MACROH2A1: variants seen among roughly 807,000 people sequenced by gnomAD.
MACROH2A1 encodes the protein macroH2A.1 histone.
MACROH2A1 carries 2 observed loss-of-function variants against 31.6 expected under a neutral mutation model. The observed-to-expected ratio is 0.06, with a 90% CI of 0.03 to 0.20. The LOEUF (loss-of-function observed/expected upper bound fraction) is 0.20, where lower values mean the gene tolerates loss of function less well. Ranked by LOEUF, MACROH2A1 falls within the 10% of genes least tolerant of loss-of-function variation. The pLI is 1.00. For missense variants in MACROH2A1, 230 were observed against 474.0 expected (o/e 0.49, Z 4.78); for synonymous variants, 169 against 189.6 (o/e 0.89, Z 0.89).
intron 8 of MACROH2A1, among the ~76,000 whole-genome samples, chr5:135,339,536 T>C (rs933289524): frequency 6.6e-6 from 1 of 151,644 alleles, no homozygotes; most frequent in African/African-American, 2.4e-5. Flanking sequence ...TCCAGGGAGA[T>C]TTTTCTGGAG....
intron 5 of MACROH2A1, chr5:135,358,165 T>C (rs917320200): frequency 1.0e-6 from 1 of 985,068 alleles, no homozygotes; most frequent in Non-Finnish European, 1.2e-6. Flanking sequence ...CTATATGCCA[T>C]GATTTTCACC....
At chr5:135,336,505 G>A (rs374202920) in intron 8 of MACROH2A1, among the ~76,000 whole-genome samples, 88 of 112,268 alleles carry the variant, frequency 7.8e-4, no homozygotes, top group African/African-American at 4.0e-3. Flanking sequence ...ACACACAGGC[G>A]GCAGCTCCTC....
At chr5:135,341,791 A>G (rs2149724381) in intron 8 of MACROH2A1, among the ~76,000 whole-genome samples, 1 of 152,390 alleles carries the variant, frequency 6.6e-6, no homozygotes, top group African/African-American at 2.4e-5. Context: ...AGTGCTTTGC[A>G]GAGAGCAGCT....
rs963333724 is a variant in MACROH2A1 at position 135,393,498 on chromosome 5, T to C, written c.-33-4372A>G. Among the ~76,000 whole-genome samples, 8 of 152,336 alleles carry C rather than the reference T, an allele frequency of 5.3e-5. No homozygotes were observed. The South Asian group carries it at 1.4e-3, about 28-fold the overall frequency. On this transcript the variant is annotated intron_variant, in intron 1 of 8. Coordinates refer to ENST00000511689, the MANE Select transcript of MACROH2A1 (RefSeq NM_138610.3). ...GGCCCTGTTTGACCCATGTTCTGCATCCAGCCTTGTTTGAGAAACAGACAG... is the reference window on the plus strand; with the variant it reads ...GGCCCTGTTTGACCCATGTTCTGCACCCAGCCTTGTTTGAGAAACAGACAG...
intron 8 of MACROH2A1, among the ~76,000 whole-genome samples, chr5:135,342,068 C>CTAAA (rs1245215805): frequency 6.6e-6 from 1 of 152,350 alleles, no homozygotes; most frequent in East Asian, 1.9e-4. Context: ...GCTACAGCCT[C>CTAAA]TAAAGGCCAG....
At chr5:135,341,574 C>T (rs884001) in intron 8 of MACROH2A1, among the ~76,000 whole-genome samples, 45,306 of 152,164 alleles carry the variant, frequency 0.3, 9,358 homozygotes, top group African/African-American at 0.59. Context: ...CCCTGGGGAA[C>T]GGTGGCAGTG....
In MACROH2A1 at chr5:135,360,538, A is replaced by G. The variant is rs1195336633; in HGVS notation, c.547T>C (p.Phe183Leu). 6.2e-7 allele frequency: 1 copy of G among 1,613,858 alleles called. No homozygotes were observed. Among genetic ancestry groups the G allele is most frequent in the African/African-American group, 1.3e-5 (1 of 74,912 alleles). ...STTEGTPADG[F>L]TVLSTKSLFL... ...AGGCTCTTGGTGGAGAGGACTGTGA[A>G]GCCGTCGGCAGGTGTGCCCTCGGTT... Residue 183 changes from phenylalanine to leucine, a missense_variant, in exon 5 of 9, where the codon TTC becomes CTC. Around this residue, in one of 2 missense-constraint regions of MACROH2A1, gnomAD observed 183 missense variants for 319.3 expected, o/e 0.57. Coordinates refer to ENST00000511689, the MANE Select transcript of MACROH2A1 (RefSeq NM_138610.3).
chr5:135,388,346 C>T (rs1399296056), intron 2 of MACROH2A1, among the ~76,000 whole-genome samples: 2 of 152,118 alleles, frequency 1.3e-5, no homozygotes, highest in African/African-American at 4.8e-5. Context: ...ACGTCAGGTG[C>T]CTCCCGACGT....
intron 2 of MACROH2A1, among the ~76,000 whole-genome samples, chr5:135,386,142 C>T (rs563508567): frequency 5.8e-4 from 89 of 152,344 alleles, no homozygotes; most frequent in African/African-American, 2.0e-3. Context: ...CCTGCCCAAT[C>T]GGCTAAGGGC....
In MACROH2A1 at chr5:135,335,051, C is replaced by A. The variant is rs3733728; in HGVS notation, c.1044G>T (p.Thr348=). 7.4e-6 allele frequency: 12 copies of A among 1,613,724 alleles called. No homozygotes were observed. The highest frequency in any genetic ancestry group is 8.5e-6 in the Non-Finnish European group (10 of 1,179,664). Residue 348 remains threonine (T), a synonymous_variant, in exon 9 of 9, where the codon ACG becomes ACT. Coordinates refer to ENST00000511689, the MANE Select transcript of MACROH2A1 (RefSeq NM_138610.3). Reference sequence around the variant, plus strand: ...CGCTGTCAAAAAGCACGAAGTACACCGTTTTGATGGAAGAGGACATTGTAG... The same window carrying A: ...CGCTGTCAAAAAGCACGAAGTACACAGTTTTGATGGAAGAGGACATTGTAG... ...FVSTMSSSIK[T]VYFVLFDSES... is the part of the protein sequence containing the mutation.
In MACROH2A1 at chr5:135,346,050, C is replaced by A. The variant is rs755511853; in HGVS notation, c.696G>T (p.Thr232=). ...DIDLKDDLGN[T]LEKKGGKEFV... ...ACTCCTTGCCACCTTTCTTCTCCAG[C>A]GTGTTTCCTAGACAAGGACAGGGTG... Residue 232 remains threonine, a synonymous_variant, in exon 7 of 9, where the codon ACG becomes ACT. Transcript: ENST00000511689. The A allele has an allele frequency of 6.2e-7, 1 of 1,612,854 alleles. No homozygotes were observed. Among genetic ancestry groups the A allele is most frequent in the Non-Finnish European group, 8.5e-7 (1 of 1,178,832 alleles).
chr5:135,348,412 C>T (rs553657863), intron 6 of MACROH2A1, among the ~76,000 whole-genome samples: 4 of 152,350 alleles, frequency 2.6e-5, no homozygotes, highest in Middle Eastern at 3.4e-3. Context: ...ACAGCCTAAG[C>T]GAAAATTTAG....
intron 1 of MACROH2A1, among the ~76,000 whole-genome samples, chr5:135,392,197 G>C (rs913251860): frequency 6.6e-6 from 1 of 152,164 alleles, no homozygotes; most frequent in Non-Finnish European, 1.5e-5. Flanking sequence ...ATTGCTCACT[G>C]CTCCATGTTC....
intron 6 of MACROH2A1, among the ~76,000 whole-genome samples, chr5:135,352,443 T>TA (rs1482805424): frequency 3.3e-5 from 5 of 152,242 alleles, no homozygotes; most frequent in Admixed American, 1.3e-4. Context: ...TTCAGTCATA[T>TA]ACTGTTTTCA....
chr5:135,341,924 G>A (rs1358549163), intron 8 of MACROH2A1, among the ~76,000 whole-genome samples: 1 of 152,200 alleles, frequency 6.6e-6, no homozygotes, highest in African/African-American at 2.4e-5. Context: ...AGGGGCTGAT[G>A]GGCAGAGACC....
intron 1 of MACROH2A1, among the ~76,000 whole-genome samples, chr5:135,390,657 T>C (rs886736565): frequency 6.6e-6 from 1 of 152,028 alleles, no homozygotes; most frequent in African/African-American, 2.4e-5. Flanking sequence ...GACGTCACAC[T>C]CCATGGTGTT....
At chr5:135,395,146 G>A (rs983641222) in intron 1 of MACROH2A1, among the ~76,000 whole-genome samples, 62 of 152,158 alleles carry the variant, frequency 4.1e-4, no homozygotes, top group African/African-American at 1.4e-3. Context: ...TATGGTTCCA[G>A]TGACCTCTCC....
At chr5:135,378,849 C>T (rs1199749350) in intron 2 of MACROH2A1, among the ~76,000 whole-genome samples, 1 of 152,092 alleles carries the variant, frequency 6.6e-6, no homozygotes, top group African/African-American at 2.4e-5. Context: ...GAGCACTTCC[C>T]CCGAAGTCCC....
intron 5 of MACROH2A1, chr5:135,357,266 T>G (rs1196063367): frequency 6.6e-6 from 1 of 152,248 alleles, no homozygotes; most frequent in Non-Finnish European, 1.5e-5. Context: ...GCTGAGCCAT[T>G]CCTTCATGGC....
Sources: allele counts gnomAD v4.1 joint callset (sites outside exome capture counted in the v4.1 genomes callset), GRCh38; gene constraint gnomAD v4.1.1; regional missense constraint gnomAD v4.1.1; transcripts MANE v1.5; gene names NCBI Gene and HGNC (gene_info 2026-07-23, HGNC 2026-07-21).